The following DLG1 variants were observed in gnomAD, a reference collection of about 807,000 sequenced individuals.
The protein encoded by DLG1 is discs large MAGUK scaffold protein 1, also known as disks large homolog 1.
A neutral mutation model predicts 123.4 loss-of-function variants in DLG1; 42 were observed. The observed-to-expected ratio is 0.34, with a 90% CI of 0.27 to 0.44. DLG1 has a LOEUF of 0.44. Among genes scored for constraint, DLG1 ranks in the 20% least tolerant of loss-of-function variants. DLG1 has a pLI of 1.00. For missense variants in DLG1, 942 were observed against 1,082.6 expected, an observed-to-expected ratio of 0.87 and a Z score of 1.82; for synonymous variants, 317 against 356.2, an observed-to-expected ratio of 0.89 and a Z score of 1.24.
chr3:197,276,603 C>A (rs1306385079), intron 4 of DLG1, among the ~76,000 whole-genome samples: 1 of 152,052 alleles, frequency 6.6e-6, no homozygotes, highest in African/African-American at 2.4e-5. Context: ...TGAACACGGG[C>A]CTTTTTCTTA....
At chr3:197,089,538 A>C (rs1314912305) in intron 15 of DLG1, among the ~76,000 whole-genome samples, 3 of 151,806 alleles carry the variant, frequency 2.0e-5, no homozygotes, top group Non-Finnish European at 2.9e-5. Context: ...AAAAAAAAAA[A>C]AAAAACAGAA....
intron 5 of DLG1, among the ~76,000 whole-genome samples, chr3:197,155,632 A>G (rs1421084435): frequency 2.0e-5 from 3 of 152,154 alleles, no homozygotes; most frequent in Non-Finnish European, 4.4e-5. Context: ...TTTAAAAAAA[A>G]AAAAAACTTA....
chr3:197,231,617 T>C (rs1743115380), intron 4 of DLG1, among the ~76,000 whole-genome samples: 1 of 151,604 alleles, frequency 6.6e-6, no homozygotes, highest in Admixed American at 6.6e-5. Flanking sequence ...GGGAGTTGGC[T>C]TGAGTCTGGG....
intron 21 of DLG1, 77 bp from the exon 22 acceptor site, chr3:197,065,525 G>A (rs188751258): frequency 1.6e-4 from 199 of 1,276,056 alleles, no homozygotes; most frequent in African/African-American, 1.4e-3. Context: ...TACTTACATC[G>A]TTTTGTAAAG....
chr3:197,105,478 G>A (rs953743732), intron 13 of DLG1, among the ~76,000 whole-genome samples: 1 of 151,930 alleles, frequency 6.6e-6, no homozygotes, highest in Non-Finnish European at 1.5e-5. Flanking sequence ...CCATTCTTTT[G>A]GTATAATAGG....
chr3:197,216,591 A>C (rs1000577413), intron 4 of DLG1, among the ~76,000 whole-genome samples: 7 of 152,348 alleles, frequency 4.6e-5, no homozygotes, highest in Non-Finnish European at 7.3e-5. Flanking sequence ...TTAGAGACTC[A>C]GGACCCAGGG....
At chr3:197,111,575 T>C (rs1301151080) in intron 13 of DLG1, among the ~76,000 whole-genome samples, 3 of 152,236 alleles carry the variant, frequency 2.0e-5, no homozygotes, top group Non-Finnish European at 2.9e-5. Flanking sequence ...CAATGAAATG[T>C]AGAAATTTGA....
Position 197,297,598 on chromosome 3 carries a change from AG to A in DLG1, c.-31-364del, listed in dbSNP as rs1434911474. The A allele has an allele frequency of 2.9e-6, 3 of 1,018,810 alleles. No homozygotes were observed. In the African/African-American group the frequency reaches 5.2e-5, roughly 18 times the overall value. The allele number at this position is 1,018,810 out of a possible 1,614,324, so 63.1% of individuals were successfully genotyped here. ...TCCGACCCTTGGCCCCTGAGCCAGC[AG>A]CGGCCGCAGAGCGCTGAGAGGGGAC... On this transcript the variant is annotated intron_variant, in intron 1 of 24. Transcript: ENST00000667157.
chr3:197,066,762 A>C lies in DLG1; in HGVS notation c.2048-8T>G. 3.8e-6 allele frequency: 6 copies of C among 1,585,224 alleles called. No individual in the cohort carries two copies. The highest frequency in any genetic ancestry group is 5.2e-6 in the Non-Finnish European group (6 of 1,157,844). Reference sequence around the variant, plus strand: ...CGTATTCTTCTTGACCACCTATTAGAAAGTGAAGGCACAGATGAAAAATGT... The same window carrying C: ...CGTATTCTTCTTGACCACCTATTAGCAAGTGAAGGCACAGATGAAAAATGT... On this transcript the variant is annotated splice_polypyrimidine_tract_variant and splice_region_variant and intron_variant, in intron 19 of 24. Transcript: ENST00000667157.
chr3:197,195,243 G>T (rs1721834814), intron 4 of DLG1, among the ~76,000 whole-genome samples: 2 of 150,158 alleles, frequency 1.3e-5, no homozygotes, highest in African/African-American at 4.9e-5. Context: ...AATAAAAAAA[G>T]AATTTCAACA....
At chr3:197,223,759 G>A (rs1375817654) in intron 4 of DLG1, among the ~76,000 whole-genome samples, 1 of 152,200 alleles carries the variant, frequency 6.6e-6, no homozygotes, top group Admixed American at 6.5e-5. Flanking sequence ...ACTAGAAGTT[G>A]TGGGATAATT....
chr3:197,062,641 T>C (rs1170423987), intron 22 of DLG1, among the ~76,000 whole-genome samples: 1 of 152,158 alleles, frequency 6.6e-6, no homozygotes, highest in Non-Finnish European at 1.5e-5. Context: ...TATCTCACAC[T>C]TTTCCAGTCC....
chr3:197,178,402 C>A (rs376410728), intron 5 of DLG1, among the ~76,000 whole-genome samples: 7 of 152,060 alleles, frequency 4.6e-5, no homozygotes, highest in Non-Finnish European at 8.8e-5. Flanking sequence ...GAATGGCATA[C>A]TGAATAAAGA....
intron 4 of DLG1, among the ~76,000 whole-genome samples, chr3:197,270,266 T>C (rs1467646149): frequency 6.6e-6 from 1 of 152,164 alleles, no homozygotes; most frequent in Non-Finnish European, 1.5e-5. Flanking sequence ...GTGATTCGTC[T>C]AGTCAAATAT....
At chr3:197,262,903 A>T (rs1253552828) in intron 4 of DLG1, among the ~76,000 whole-genome samples, 1 of 152,194 alleles carries the variant, frequency 6.6e-6, no homozygotes, top group Non-Finnish European at 1.5e-5. Flanking sequence ...ATCATGGGCC[A>T]ACACATCCCT....
At chr3:197,161,077 T>A (rs1798577639) in intron 5 of DLG1, among the ~76,000 whole-genome samples, 1 of 152,196 alleles carries the variant, frequency 6.6e-6, no homozygotes, top group African/African-American at 2.4e-5. Context: ...TTACACATAA[T>A]TTTTTAAAAG....
intron 4 of DLG1, among the ~76,000 whole-genome samples, chr3:197,213,899 A>G (rs899384625): frequency 6.6e-6 from 1 of 152,232 alleles, no homozygotes; most frequent in African/African-American, 2.4e-5. Flanking sequence ...GGCATATGAG[A>G]AGAAAATTCT....
At chr3:197,275,287 G>A (rs1765876211) in intron 4 of DLG1, among the ~76,000 whole-genome samples, 1 of 152,074 alleles carries the variant, frequency 6.6e-6, no homozygotes, top group Non-Finnish European at 1.5e-5. Context: ...GTAAAGAAAG[G>A]GACACTCTGG....
chr3:197,274,258 C>G (rs181002925), intron 4 of DLG1, among the ~76,000 whole-genome samples: 1 of 152,252 alleles, frequency 6.6e-6, no homozygotes, highest in Non-Finnish European at 1.5e-5. Context: ...CACAGACCAA[C>G]GGAACACAAC....
Sources: allele counts gnomAD v4.1 joint callset (sites outside exome capture counted in the v4.1 genomes callset), GRCh38; gene constraint gnomAD v4.1.1; transcripts MANE v1.5; gene names NCBI Gene and HGNC (gene_info 2026-07-23, HGNC 2026-07-21).